The following STPG2 variants were observed in gnomAD, a reference collection of about 807,000 sequenced individuals.
STPG2 encodes sperm-tail PG-rich repeat-containing protein 2.
In STPG2, 56 loss-of-function variants were observed where a neutral mutation model predicts 54.2. That is an observed-to-expected ratio of 1.03 (90% confidence interval 0.83 to 1.29). The LOEUF (loss-of-function observed/expected upper bound fraction) is 1.29. Ranked by LOEUF, STPG2 falls within the 50% of genes most tolerant of loss-of-function variation. STPG2 has a pLI of 0.00. For missense variants in STPG2, 596 were observed against 544.9 expected (o/e 1.09, Z -0.93); for synonymous variants, 200 against 181.8 (o/e 1.10, Z -0.81).
At chr4:97,998,057 C>T (rs1735298496) in intron 5 of STPG2, among the ~76,000 whole-genome samples, 1 of 152,088 alleles carries the variant, frequency 6.6e-6, no homozygotes, top group South Asian at 2.1e-4. Flanking sequence ...TCTTCTTTGA[C>T]TAGAAAATAG....
At chr4:97,932,743 C>T (rs185260257) in intron 8 of STPG2, among the ~76,000 whole-genome samples, 84 of 152,284 alleles carry the variant, frequency 5.5e-4, no homozygotes, top group Admixed American at 4.3e-3. Flanking sequence ...ATATATAATA[C>T]ATTTTCTTTA....
Position 97,944,004 on chromosome 4 carries a change from A to G in STPG2, c.937T>C (p.Phe313Leu). The change falls in exon 8 of 11, where the codon TTT becomes CTT. Residue 313 changes from phenylalanine to leucine, a missense_variant. Phe to Leu is a conservative substitution (Grantham distance 22, BLOSUM62 0). Transcript: ENST00000295268. ...ATTCCCACACCCTGTGAATGCCAAAATTCCTGTTGAAAGAAGGGGTTAAAA... is the reference window on the plus strand; with the variant it reads ...ATTCCCACACCCTGTGAATGCCAAAGTTCCTGTTGAAAGAAGGGGTTAAAA... Reference protein sequence around the residue: ...ATPGPADYQEFWHSQGVGISD... With the variant: ...ATPGPADYQELWHSQGVGISD... The G allele has an allele frequency of 1.2e-6, 2 of 1,605,582 alleles. No individual in the cohort carries two copies. Among genetic ancestry groups the G allele is most frequent in the Non-Finnish European group, 1.7e-6 (2 of 1,174,440 alleles).
chr4:97,788,575 T>C (rs1726895060), intron 9 of STPG2, among the ~76,000 whole-genome samples: 1 of 152,102 alleles, frequency 6.6e-6, no homozygotes, highest in Admixed American at 6.6e-5. Flanking sequence ...ATTTCCTTTC[T>C]TTTGGGTATA....
chr4:97,972,159 G>T, intron 7 of STPG2, 121 bp downstream of exon 7: 1 of 601,350 alleles, frequency 1.7e-6, no homozygotes, highest in Non-Finnish European at 2.6e-6. Flanking sequence ...CTTAACATAT[G>T]GAACATGGTT....
intron 5 of STPG2, among the ~76,000 whole-genome samples, chr4:98,032,370 C>T (rs1736624404): frequency 6.6e-6 from 1 of 152,090 alleles, no homozygotes; most frequent in Admixed American, 6.6e-5. Context: ...TAAACTTACT[C>T]ATGTAACCAA....
intron 4 of STPG2, among the ~76,000 whole-genome samples, chr4:98,108,975 C>A (rs1440432487): frequency 6.6e-6 from 1 of 151,988 alleles, no homozygotes; most frequent in Non-Finnish European, 1.5e-5. Flanking sequence ...CACATGTATA[C>A]CCATGTAACA....
chr4:97,967,928 C>T (rs1457641098), intron 7 of STPG2, among the ~76,000 whole-genome samples: 5 of 151,882 alleles, frequency 3.3e-5, no homozygotes, highest in Admixed American at 6.6e-5. Context: ...AAATCAACAC[C>T]CTAACATCAC....
intron 2 of STPG2, among the ~76,000 whole-genome samples, chr4:98,132,527 G>A (rs553495741): frequency 6.6e-6 from 1 of 152,012 alleles, no homozygotes; most frequent in East Asian, 1.9e-4. Context: ...ATAGCTTGCT[G>A]GTCCTGGATT....
At chr4:97,494,071 G>A (rs965419864) in intron 4 of STPG2, among the ~76,000 whole-genome samples, 1 of 151,466 alleles carries the variant, frequency 6.6e-6, no homozygotes, top group Non-Finnish European at 1.5e-5. Context: ...TTGTCCCACA[G>A]AACTCTGAAG....
At chr4:97,780,671 A>C (rs896979770) in intron 9 of STPG2, among the ~76,000 whole-genome samples, 3 of 146,958 alleles carry the variant, frequency 2.0e-5, no homozygotes, top group Admixed American at 1.4e-4. Flanking sequence ...AATTGACCAC[A>C]GAGTTGGAAG....
chr4:97,955,437 G>C (rs993666839), intron 7 of STPG2, among the ~76,000 whole-genome samples: 3 of 151,866 alleles, frequency 2.0e-5, no homozygotes, highest in Non-Finnish European at 4.4e-5. Flanking sequence ...AAATGGTCTC[G>C]ATCTCCTGAC....
chr4:97,719,758 A>G (rs541500401), intron 9 of STPG2, among the ~76,000 whole-genome samples: 1 of 152,002 alleles, frequency 6.6e-6, no homozygotes, highest in South Asian at 2.1e-4. Flanking sequence ...AGCTACCTAG[A>G]ATCTACTTCT....
At chr4:97,995,872 G>A (rs1735190817) in intron 5 of STPG2, among the ~76,000 whole-genome samples, 2 of 152,164 alleles carry the variant, frequency 1.3e-5, no homozygotes, top group South Asian at 2.1e-4. Flanking sequence ...GAGGTAACTG[G>A]ATAATGGAGG....
intron 5 of STPG2, among the ~76,000 whole-genome samples, chr4:98,029,370 T>C (rs1736525022): frequency 6.6e-6 from 1 of 152,186 alleles, no homozygotes; most frequent in African/African-American, 2.4e-5. Flanking sequence ...TATACATGCA[T>C]ATACCTTTAG....
In STPG2 at chr4:98,056,792, G is replaced by A. The variant is rs1234445392; in HGVS notation, c.612+49161C>T. Among the ~76,000 whole-genome samples, 3 of 152,082 alleles carry A rather than the reference G, an allele frequency of 2.0e-5. No individual in the cohort carries two copies. The East Asian group carries it at 5.8e-4, about 29-fold the overall frequency. ...TCCCCCTTGCTGTTCTCATGATAGT[G>A]TGTAGGTTCTCATAAGATTTGGTTG... On this transcript the variant is annotated intron_variant, in intron 5 of 10. Coordinates refer to ENST00000295268, the MANE Select transcript of STPG2 (RefSeq NM_174952.3).
chr4:97,750,143 C>A (rs773017535), intron 9 of STPG2, among the ~76,000 whole-genome samples: 2 of 151,794 alleles, frequency 1.3e-5, no homozygotes, highest in Non-Finnish European at 2.9e-5. Context: ...TGCAGTTTTT[C>A]TTTGCTGGTG....
At chr4:97,726,530 A>G (rs1724629942) in intron 9 of STPG2, among the ~76,000 whole-genome samples, 2 of 151,970 alleles carry the variant, frequency 1.3e-5, no homozygotes, top group Admixed American at 6.6e-5. Context: ...ACTAAATTAA[A>G]AAGTGACAAA....
chr4:97,657,536 C>G (rs1722249895), intron 10 of STPG2, among the ~76,000 whole-genome samples: 1 of 152,080 alleles, frequency 6.6e-6, no homozygotes, highest in African/African-American at 2.4e-5. Context: ...CACTTGTAAT[C>G]CCCACACAGG....
chr4:97,871,251 A>G (rs758299884), intron 8 of STPG2, among the ~76,000 whole-genome samples: 2 of 151,174 alleles, frequency 1.3e-5, no homozygotes, highest in Non-Finnish European at 3.0e-5. Context: ...TAACAATCAC[A>G]TAAAGCAAAA....
Sources: allele counts gnomAD v4.1 joint callset (sites outside exome capture counted in the v4.1 genomes callset), GRCh38; gene constraint gnomAD v4.1.1; transcripts MANE v1.5; gene names NCBI Gene and HGNC (gene_info 2026-07-23, HGNC 2026-07-21).